The following SGCZ variants were observed in gnomAD, a reference collection of about 807,000 sequenced individuals.
SGCZ encodes the protein sarcoglycan zeta, also known as zeta-sarcoglycan.
Under a neutral mutation model 41.3 loss-of-function variants are expected in SGCZ, and 40 were observed. The ratio of observed to expected loss-of-function variants is 0.97; its 90% CI spans 0.75 to 1.26. The LOEUF (loss-of-function observed/expected upper bound fraction) is 1.26, where lower values mean the gene tolerates loss of function less well. Among genes scored for constraint, SGCZ ranks in the 50% most tolerant of loss-of-function variants. The probability of loss-of-function intolerance (pLI) is 0.00; values close to 1 mark genes in which losing one functional copy is unlikely to be tolerated. For synonymous variants in SGCZ, 206 were observed against 137.5 expected (o/e 1.50, Z -3.49); for missense variants, 552 against 369.8 (o/e 1.49, Z -4.04).
At chr8:14,420,697 C>T (rs768035950) in intron 2 of SGCZ, among the ~76,000 whole-genome samples, 2 of 152,034 alleles carry the variant, frequency 1.3e-5, no homozygotes, top group South Asian at 2.1e-4. Context: ...GCAGATGTGA[C>T]GAGCCCACCA....
intron 1 of SGCZ, among the ~76,000 whole-genome samples, chr8:14,560,248 G>A (rs1329608687): frequency 6.6e-6 from 1 of 151,816 alleles, no homozygotes; most frequent in Non-Finnish European, 1.5e-5. Flanking sequence ...AATGTTTGAG[G>A]TTATGAATAA....
intron 2 of SGCZ, among the ~76,000 whole-genome samples, chr8:14,491,463 C>T (rs1281956063): frequency 6.6e-6 from 1 of 152,118 alleles, no homozygotes; most frequent in East Asian, 1.9e-4. Flanking sequence ...AGTGGTTGGA[C>T]ACTATTTGAG....
intron 2 of SGCZ, among the ~76,000 whole-genome samples, chr8:14,552,600 CAT>C (rs1803905783): frequency 6.6e-6 from 1 of 152,002 alleles, no homozygotes; most frequent in African/African-American, 2.4e-5. Flanking sequence ...GACCATGTTG[CAT>C]TATAATTTAC....
chr8:14,238,766 A>G (rs1275588119), intron 3 of SGCZ, among the ~76,000 whole-genome samples: 4 of 152,078 alleles, frequency 2.6e-5, no homozygotes, highest in Non-Finnish European at 5.9e-5. Context: ...CATTTCGGTG[A>G]TCAAAAAATA....
At chr8:14,735,281 G>C (rs1341599990) in intron 1 of SGCZ, among the ~76,000 whole-genome samples, 1 of 152,154 alleles carries the variant, frequency 6.6e-6, no homozygotes, top group Admixed American at 6.6e-5. Context: ...GGAATTGACA[G>C]AGGAGATTAA....
chr8:14,390,901 C>T (rs1412905228), intron 2 of SGCZ, among the ~76,000 whole-genome samples: 1 of 151,950 alleles, frequency 6.6e-6, no homozygotes, highest in African/African-American at 2.4e-5. Context: ...AACTTTGACA[C>T]CACTCATGAG....
intron 1 of SGCZ, among the ~76,000 whole-genome samples, chr8:15,227,029 A>G (rs981996000): frequency 6.6e-6 from 1 of 152,200 alleles, no homozygotes; most frequent in Non-Finnish European, 1.5e-5. Context: ...ATTTTGTTAG[A>G]TCAGGGTGAC....
At chr8:14,707,439 G>A (rs1036946675) in intron 1 of SGCZ, among the ~76,000 whole-genome samples, 1 of 152,056 alleles carries the variant, frequency 6.6e-6, no homozygotes, top group African/African-American at 2.4e-5. Flanking sequence ...CAAGGAGAAA[G>A]AATAGCAAAA....
At chr8:14,481,085 T>G (rs1457550931) in intron 2 of SGCZ, among the ~76,000 whole-genome samples, 1 of 152,028 alleles carries the variant, frequency 6.6e-6, no homozygotes, top group Non-Finnish European at 1.5e-5. Context: ...AACAGCAAAG[T>G]GTTAATATCC....
chr8:14,339,281 C>T (rs77968601), intron 2 of SGCZ, among the ~76,000 whole-genome samples: 1,689 of 152,264 alleles, frequency 0.011, 28 homozygotes, highest in African/African-American at 0.037. Flanking sequence ...ATTTGGTTTA[C>T]ACCTGCCTAA....
At chr8:14,217,922 C>T (rs537517197) in intron 4 of SGCZ, among the ~76,000 whole-genome samples, 20 of 152,050 alleles carry the variant, frequency 1.3e-4, no homozygotes, top group Admixed American at 2.6e-4. Context: ...TGAGCCACCA[C>T]GCCCGGCCAA....
chr8:14,470,885 C>CACG (rs1801195721), intron 2 of SGCZ, among the ~76,000 whole-genome samples: 2 of 152,126 alleles, frequency 1.3e-5, no homozygotes, highest in Admixed American at 6.6e-5. Context: ...GGCACTGAGA[C>CACG]ACAATAAGTC....
chr8:14,199,144 A>G (rs908620510), intron 4 of SGCZ, among the ~76,000 whole-genome samples: 2 of 152,212 alleles, frequency 1.3e-5, no homozygotes, highest in South Asian at 2.1e-4. Context: ...TCAAAAGCAA[A>G]TGGGAGAAAT....
chr8:14,475,960 C>T (rs1005116258), intron 2 of SGCZ, among the ~76,000 whole-genome samples: 10 of 151,768 alleles, frequency 6.6e-5, no homozygotes, highest in Admixed American at 5.9e-4. Flanking sequence ...TACAGGTTTG[C>T]GCCACCATGC....
intron 4 of SGCZ, among the ~76,000 whole-genome samples, chr8:14,201,502 G>C (rs1407232309): frequency 1.3e-5 from 2 of 152,112 alleles, no homozygotes; most frequent in Non-Finnish European, 2.9e-5. Flanking sequence ...CAAATCCATT[G>C]TGCTGAGTGA....
intron 1 of SGCZ, among the ~76,000 whole-genome samples, chr8:15,204,497 T>A (rs1389871447): frequency 6.6e-6 from 1 of 152,212 alleles, no homozygotes; most frequent in Non-Finnish European, 1.5e-5. Context: ...ACTTTCTTCC[T>A]AAAAATGACT....
intron 2 of SGCZ, among the ~76,000 whole-genome samples, chr8:14,535,204 T>C (rs967677882): frequency 6.6e-6 from 1 of 151,994 alleles, no homozygotes; most frequent in Non-Finnish European, 1.5e-5. Flanking sequence ...TAAATTTGAA[T>C]AGTAAAGATT....
intron 1 of SGCZ, among the ~76,000 whole-genome samples, chr8:14,939,543 T>C (rs1800198502): frequency 6.6e-6 from 1 of 152,140 alleles, no homozygotes; most frequent in Non-Finnish European, 1.5e-5. Flanking sequence ...ATGAAATTAC[T>C]CAAGCAACAA....
chr8:14,621,484 T>A (rs1806283718), intron 1 of SGCZ, among the ~76,000 whole-genome samples: 3 of 150,552 alleles, frequency 2.0e-5, no homozygotes, highest in East Asian at 2.0e-4. Context: ...ACAAAAAAAA[T>A]AAAAATAAAA....
Sources: allele counts gnomAD v4.1 joint callset (sites outside exome capture counted in the v4.1 genomes callset), GRCh38; gene constraint gnomAD v4.1.1; transcripts MANE v1.5; gene names NCBI Gene and HGNC (gene_info 2026-07-23, HGNC 2026-07-21).